Variants in FGF13 observed in about 807,000 individuals in gnomAD.
FGF13 encodes the protein fibroblast growth factor 13.
A neutral mutation model predicts 19.5 loss-of-function variants in FGF13; 2 were observed. The observed-to-expected ratio is 0.10, with a 90% CI of 0.04 to 0.32. FGF13 has a LOEUF of 0.32. Ranked by LOEUF, FGF13 falls within the 10% of genes least tolerant of loss-of-function variation. The pLI is 1.00. For synonymous variants in FGF13, 72 were observed against 76.9 expected, an observed-to-expected ratio of 0.94 and a Z score of 0.33; for missense variants, 113 against 192.7, an observed-to-expected ratio of 0.59 and a Z score of 2.45.
intron 1 of FGF13, among the ~76,000 whole-genome samples, chrX:138,938,377 G>C (rs1188522943): frequency 8.9e-6 from 1 of 111,849 alleles, no homozygotes; most frequent in East Asian, 2.8e-4. Flanking sequence ...CCTTCTTCCA[G>C]CTTTTGGGGG....
At chrX:138,763,633 C>A (rs916603626) in intron 3 of FGF13, among the ~76,000 whole-genome samples, 2 of 111,901 alleles carry the variant, frequency 1.8e-5, no homozygotes, top group Admixed American at 9.6e-5. Context: ...AAATCATGAA[C>A]CTCAACATGA....
At chrX:138,965,359 A>T (rs1416290271) in intron 1 of FGF13, among the ~76,000 whole-genome samples, 6 of 112,221 alleles carry the variant, frequency 5.3e-5, no homozygotes, top group African/African-American at 1.9e-4. Context: ...CTTGTGCACC[A>T]CTGTATCCCC....
At chrX:138,781,704 T>G (rs1193728699) in intron 3 of FGF13, among the ~76,000 whole-genome samples, 3 of 111,590 alleles carry the variant, frequency 2.7e-5, no homozygotes, top group African/African-American at 9.8e-5. Flanking sequence ...ACCAGATGGA[T>G]TCACAGCTGA....
chrX:139,172,825 A>G (rs2084144546), intron 1 of FGF13, among the ~76,000 whole-genome samples: 1 of 111,780 alleles, frequency 8.9e-6, no homozygotes, highest in African/African-American at 3.3e-5. Context: ...ATTACCCATG[A>G]TGCTTTTTAT....
At chrX:139,171,443 T>C (rs1256608983) in intron 1 of FGF13, among the ~76,000 whole-genome samples, 1 of 111,731 alleles carries the variant, frequency 9.0e-6, no homozygotes, top group African/African-American at 3.2e-5. Context: ...AGAATACCTC[T>C]TGATGGCTTC....
chrX:138,865,868 A>G (rs1199492143), intron 1 of FGF13, among the ~76,000 whole-genome samples: 1 of 111,472 alleles, frequency 9.0e-6, no homozygotes, highest in Non-Finnish European at 1.9e-5. Flanking sequence ...TTTGCCCTGG[A>G]GCTGGTCTAT....
At chrX:139,129,722 G>C (rs1158982429) in intron 1 of FGF13, among the ~76,000 whole-genome samples, 1 of 111,328 alleles carries the variant, frequency 9.0e-6, no homozygotes, top group Non-Finnish European at 1.9e-5. Flanking sequence ...AACACATGCT[G>C]AGAAAAAGTC....
At chrX:138,751,926 A>C (rs958514306) in intron 3 of FGF13, among the ~76,000 whole-genome samples, 1 of 112,000 alleles carries the variant, frequency 8.9e-6, no homozygotes, top group African/African-American at 3.3e-5. Context: ...AGCTATTATT[A>C]TTTATACCAT....
intron 3 of FGF13, among the ~76,000 whole-genome samples, chrX:138,641,273 G>A (rs762927909): frequency 8.9e-6 from 1 of 112,003 alleles, no homozygotes; most frequent in Admixed American, 9.4e-5. Context: ...TTTTCAGTAG[G>A]TTTTATAAAC....
At chrX:139,122,839 C>T (rs896621067) in intron 1 of FGF13, among the ~76,000 whole-genome samples, 6 of 111,367 alleles carry the variant, frequency 5.4e-5, no homozygotes, top group South Asian at 3.8e-4. Flanking sequence ...CAAACTCTAT[C>T]ATCAAAATAT....
In FGF13 at chrX:138,965,108, G is replaced by A. The variant is rs113873560; in HGVS notation, c.-112-100458C>T. Among the ~76,000 whole-genome samples the A allele has an allele frequency of 5.3e-3, 596 of 112,190 alleles. 6 individuals carry two copies. The highest frequency in any genetic ancestry group is 0.019 in the African/African-American group (578 of 30,907). ...AGGTTAAGATCCTTGCCCTGCTGATGAAAGAATGATGAAAGAACAAAAGGA... is the reference window on the plus strand; with the variant it reads ...AGGTTAAGATCCTTGCCCTGCTGATAAAAGAATGATGAAAGAACAAAAGGA... On this transcript the variant is annotated intron_variant, in intron 1 of 2. Transcript: ENST00000421460.
In FGF13 at chrX:138,997,933, G is replaced by A. The variant is rs780982062; in HGVS notation, c.-112-133283C>T. ...GGAAAAAATGTTAAGGGCAGCCAGA[G>A]AGAAAGGTCGGGTTACCCACAAAGG... On this transcript the variant is annotated intron_variant, in intron 1 of 2. Transcript: ENST00000421460. Among the ~76,000 whole-genome samples the A allele has an allele frequency of 2.3e-3, 258 of 111,570 alleles. 3 individuals carry two copies. The highest frequency in any genetic ancestry group is 8.0e-3 in the African/African-American group (246 of 30,696).
At chrX:138,647,419 T>C (rs1472432855) in intron 3 of FGF13, among the ~76,000 whole-genome samples, 2 of 111,234 alleles carry the variant, frequency 1.8e-5, no homozygotes, top group Non-Finnish European at 3.8e-5. Flanking sequence ...CGGTTTCCTA[T>C]TTACGACTAA....
chrX:139,188,031 A>C (rs761463267), intron 1 of FGF13, among the ~76,000 whole-genome samples: 1 of 112,142 alleles, frequency 8.9e-6, no homozygotes, highest in East Asian at 2.8e-4. Flanking sequence ...TTCAGGTGTC[A>C]AGTTAACGAT....
chrX:138,746,924 G>A (rs2090360507), intron 3 of FGF13, among the ~76,000 whole-genome samples: 1 of 111,460 alleles, frequency 9.0e-6, no homozygotes, highest in Non-Finnish European at 1.9e-5. Flanking sequence ...TCTCCCTAGG[G>A]CACTCTACCC....
chrX:138,676,449 T>G (rs2089667371), intron 3 of FGF13, among the ~76,000 whole-genome samples: 1 of 111,778 alleles, frequency 8.9e-6, no homozygotes, highest in African/African-American at 3.3e-5. Flanking sequence ...GATTTATCTT[T>G]AAGAATTTAT....
chrX:138,933,163 T>C (rs646557), intron 1 of FGF13, among the ~76,000 whole-genome samples: 24,656 of 110,852 alleles, frequency 0.22, 2,122 homozygotes, highest in East Asian at 0.4. Context: ...GTTCATGTAT[T>C]TGTCTTCCCT....
At chrX:138,965,993 C>T (rs145945651) in intron 1 of FGF13, among the ~76,000 whole-genome samples, 7 of 112,182 alleles carry the variant, frequency 6.2e-5, no homozygotes, top group African/African-American at 3.2e-5. Flanking sequence ...CCCCTGTGAT[C>T]GTTAATACTG....
Position 138,711,634 on chromosome X carries a change from C to T in FGF13, c.-631G>A, listed in dbSNP as rs1459990257. On this transcript the variant is annotated 5_prime_UTR_variant, in exon 1 of 5. Coordinates refer to ENST00000315930, the MANE Select transcript of FGF13 (RefSeq NM_004114.5). ...GATCAAACAGGTAATGGCCTCGCAT[C>T]TTCGCTGTTGCTGCTGCTCTGGGCG... 5.3e-6 allele frequency: 4 copies of T among 753,692 alleles called. No homozygotes were observed. Among genetic ancestry groups the T allele is most frequent in the Non-Finnish European group, 6.3e-6 (4 of 638,867 alleles). The allele number at this position is 753,692 out of a possible 1,213,427, so 62.1% of individuals were successfully genotyped here.
Sources: allele counts gnomAD v4.1 joint callset (sites outside exome capture counted in the v4.1 genomes callset), GRCh38; gene constraint gnomAD v4.1.1; transcripts MANE v1.5; gene names NCBI Gene and HGNC (gene_info 2026-07-23, HGNC 2026-07-21).